Variants in VPS13C observed in about 807,000 individuals in gnomAD.
VPS13C encodes intermembrane lipid transfer protein VPS13C.
Under a neutral mutation model 456.8 loss-of-function variants are expected in VPS13C, and 358 were observed. The observed-to-expected ratio is 0.78, with a 90% CI of 0.72 to 0.86. The LOEUF is 0.86. Ranked by LOEUF, VPS13C falls within the 40% of genes least tolerant of loss-of-function variation. VPS13C has a pLI of 0.00. For missense variants in VPS13C, 4,818 were observed against 4,385.4 expected (o/e 1.10, Z -2.79); for synonymous variants, 1,578 against 1,486.7 (o/e 1.06, Z -1.41).
At chr15:61,959,361 G>T in intron 36 of VPS13C, 87 bp downstream of exon 36, 1 of 1,216,648 alleles carries the variant, frequency 8.2e-7, no homozygotes, top group Non-Finnish European at 1.1e-6. Context: ...TTCAGCAAAA[G>T]AGTCTACATT....
chr15:61,882,521 A>T, intron 69 of VPS13C, 75 bp downstream of exon 69: 3 of 1,339,084 alleles, frequency 2.2e-6, no homozygotes, highest in Non-Finnish European at 2.9e-6. Flanking sequence ...TAAACTATAT[A>T]GTTGTAAAAA....
intron 66 of VPS13C, among the ~76,000 whole-genome samples, chr15:61,891,155 G>A (rs1365204689): frequency 1.3e-5 from 2 of 152,160 alleles, no homozygotes; most frequent in Non-Finnish European, 2.9e-5. Flanking sequence ...ACTGGTGAAG[G>A]TTATATGTAG....
chr15:61,930,977 T>C (rs1333037233), intron 50 of VPS13C, 113 bp downstream of exon 50: 3 of 1,245,448 alleles, frequency 2.4e-6, no homozygotes, highest in African/African-American at 1.5e-5. Context: ...TCAGGAAGTA[T>C]GACCAAAAGA....
At chr15:61,934,425 G>A (rs907039347) in intron 48 of VPS13C, 94 bp from the exon 49 acceptor site, 36 of 607,114 alleles carry the variant, frequency 5.9e-5, no homozygotes, top group African/African-American at 5.8e-4. Flanking sequence ...TTTATATGAC[G>A]CTTTCTGGGA....
At chr15:61,984,601 T>C (rs1295042563) in intron 19 of VPS13C, among the ~76,000 whole-genome samples, 3 of 152,232 alleles carry the variant, frequency 2.0e-5, no homozygotes, top group Admixed American at 2.0e-4. Flanking sequence ...TCCACAGCTT[T>C]TACATTATTG....
intron 3 of VPS13C, among the ~76,000 whole-genome samples, chr15:62,040,700 T>C (rs12909386): frequency 0.061 from 9,152 of 151,254 alleles, 344 homozygotes; most frequent in Non-Finnish European, 0.084. Context: ...ACCACCTAAA[T>C]CCAAAATTTA....
intron 22 of VPS13C, among the ~76,000 whole-genome samples, chr15:61,980,608 T>C (rs1487006538): frequency 2.6e-5 from 4 of 151,888 alleles, no homozygotes; most frequent in African/African-American, 9.7e-5. Context: ...TAATTTGGCT[T>C]CTTCTAACTT....
chr15:61,856,566 G>C, intron 82 of VPS13C, 157 bp from the exon 83 acceptor site: 1 of 753,694 alleles, frequency 1.3e-6, no homozygotes, highest in Non-Finnish European at 2.0e-6. Flanking sequence ...TTTAAGTCTA[G>C]ATAACTGTCA....
chr15:61,873,959 T>TACACAC (rs67985179), intron 77 of VPS13C, among the ~76,000 whole-genome samples: 73 of 149,846 alleles, frequency 4.9e-4, no homozygotes, highest in African/African-American at 1.6e-3. Context: ...GAAAATGTGA[T>TACACAC]ACACACACAC....
rs1324535040 is a variant in VPS13C, at chr15:61,880,885, T to C, written c.9846A>G (p.Ala3282=). ...CAGGGTCTGTTGTTGGGGTAAACAG[T>C]GCAATAATAGCTCCTAGAAACCCTT... ...IDQGFLGAII[A]LFTPTTDPEA... The change falls in exon 72 of 85, where the codon GCA becomes GCG. Residue 3282 remains alanine, a synonymous_variant. Coordinates refer to ENST00000644861, the MANE Select transcript of VPS13C (RefSeq NM_020821.3). 1 of 1,610,814 alleles carries C rather than the reference T, an allele frequency of 6.2e-7. No homozygotes were observed. The highest frequency in any genetic ancestry group is 1.7e-5 in the Admixed American group (1 of 59,658).
At chr15:62,048,597 A>G (rs2048508980) in intron 1 of VPS13C, among the ~76,000 whole-genome samples, 1 of 152,196 alleles carries the variant, frequency 6.6e-6, no homozygotes, top group South Asian at 2.1e-4. Flanking sequence ...AGCATGATTT[A>G]TAATCCTTTG....
chr15:61,961,444 A>C lies in VPS13C; in HGVS notation c.3908+145T>G, dbSNP rs577708028. On this transcript the variant is annotated intron_variant, in intron 35 of 84. Coordinates refer to ENST00000644861, the MANE Select transcript of VPS13C (RefSeq NM_020821.3). ...ACACACACACACACACACACACACAAAACAATGACAACAATAAAAAAAACT... is the reference window on the plus strand; with the variant it reads ...ACACACACACACACACACACACACACAACAATGACAACAATAAAAAAAACT... 1.7e-4 allele frequency: 114 copies of C among 685,862 alleles called. No homozygotes were observed. The South Asian group carries it at 1.7e-3, about 10-fold the overall frequency. The allele number at this position is 685,862 out of a possible 1,614,324, so 42.5% of individuals were successfully genotyped here.
chr15:62,023,849 C>G lies in VPS13C; in HGVS notation c.449-4G>C. On this transcript the variant is annotated splice_region_variant and splice_polypyrimidine_tract_variant and intron_variant, in intron 6 of 84. Transcript: ENST00000644861. ...TTGTGCTTTTTACGTTTACGTCCTT[C>G]ACAGTGGAAGCATTTTAGTGAGAAA... is the stretch of plus-strand genomic sequence containing the variant. 6.2e-7 allele frequency: 1 copy of G among 1,608,806 alleles called. No individual in the cohort carries two copies. Among genetic ancestry groups the G allele is most frequent in the Non-Finnish European group, 8.5e-7 (1 of 1,177,072 alleles).
chr15:61,984,333 A>G (rs943182667), intron 19 of VPS13C, among the ~76,000 whole-genome samples: 4 of 152,168 alleles, frequency 2.6e-5, no homozygotes, highest in Non-Finnish European at 5.9e-5. Flanking sequence ...CCCTATTTCT[A>G]TGCCACTCTT....
At chr15:61,865,964 A>C (rs1894558186) in intron 81 of VPS13C, 1 of 983,632 alleles carries the variant, frequency 1.0e-6, no homozygotes, top group African/African-American at 1.7e-5. Context: ...ATTATTTAGA[A>C]TTTGGCCATA....
chr15:61,890,306 T>A lies in VPS13C; in HGVS notation c.9200A>T (p.Asp3067Val). The A allele has an allele frequency of 6.2e-7, 1 of 1,614,106 alleles. No homozygotes were observed. The highest frequency in any genetic ancestry group is 8.5e-7 in the Non-Finnish European group (1 of 1,180,016). The change falls in exon 67 of 85, where the codon GAT becomes GTT. Residue 3067 changes from aspartate to valine, a missense_variant. Transcript: ENST00000644861. ...GRQRVLLFTD[D>V]VALVSKALQA... ...CAGTGCTTTGGAAACCAAGGCAACA[T>A]CATCGGTGAAAAGCAAAACTCTCTG...
In VPS13C at chr15:61,950,456, A is replaced by G. The variant is rs1437396964; in HGVS notation, c.4537-39T>C. 13 of 1,481,374 alleles carry G rather than the reference A, an allele frequency of 8.8e-6. No homozygotes were observed. The African/African-American group carries it at 1.7e-4, about 19-fold the overall frequency. 91.8% of individuals were successfully genotyped at this position (1,481,374 alleles called of 1,614,324 possible). ...AGAATTACACCACTGAGTTTCAAAC[A>G]CTAAAAATTCATACACTGAAAATAT... On this transcript the variant is annotated intron_variant, in intron 40 of 84. Coordinates refer to ENST00000644861, the MANE Select transcript of VPS13C (RefSeq NM_020821.3).
rs546146155 is a variant in VPS13C at position 62,012,242 on chromosome 15, A to C, written c.826-78T>G. 5.4e-5 allele frequency: 38 copies of C among 705,622 alleles called. 1 individual carries two copies. The South Asian group carries it at 7.1e-4, about 13-fold the overall frequency. 43.7% of individuals were successfully genotyped at this position (705,622 alleles called of 1,614,324 possible). A position where few individuals can be genotyped will look rare whatever the true frequency, so the allele number is the denominator to read the frequency against. ...CTCAGACACACACACACACACACACACACACACACACACACAAAGCTTGGT... is the reference window on the plus strand; with the variant it reads ...CTCAGACACACACACACACACACACCCACACACACACACACAAAGCTTGGT... On this transcript the variant is annotated intron_variant, in intron 11 of 84. Transcript: ENST00000644861.
intron 44 of VPS13C, 77 bp downstream of exon 44, chr15:61,946,230 A>G: frequency 9.1e-7 from 1 of 1,095,530 alleles, no homozygotes; most frequent in Non-Finnish European, 1.3e-6. Flanking sequence ...ATAAATGTAT[A>G]CTGTGCAAAT....
Sources: allele counts gnomAD v4.1 joint callset (sites outside exome capture counted in the v4.1 genomes callset), GRCh38; gene constraint gnomAD v4.1.1; transcripts MANE v1.5; gene names NCBI Gene and HGNC (gene_info 2026-07-23, HGNC 2026-07-21).